Variants in PPP1R21 observed in about 807,000 individuals in gnomAD.
The protein encoded by PPP1R21 is KLRAQ motif containing 1.
A neutral mutation model predicts 112.8 loss-of-function variants in PPP1R21; 85 were observed. The ratio of observed to expected loss-of-function variants is 0.75; its 90% CI spans 0.63 to 0.90. The LOEUF (loss-of-function observed/expected upper bound fraction) is 0.90. PPP1R21 is among the 40% of genes least tolerant of loss of function. The pLI is 0.00. For missense variants in PPP1R21, 1,199 were observed against 901.5 expected (o/e 1.33, Z -4.23); for synonymous variants, 381 against 322.3 (o/e 1.18, Z -1.95).
intron 21 of PPP1R21, among the ~76,000 whole-genome samples, chr2:48,513,880 G>C (rs1458131400): frequency 6.6e-6 from 1 of 152,004 alleles, no homozygotes; most frequent in Non-Finnish European, 1.5e-5. Context: ...TACAAAACTA[G>C]AAAATCCAAA....
chr2:48,466,488 A>G (rs925443196), intron 9 of PPP1R21, among the ~76,000 whole-genome samples: 2 of 152,002 alleles, frequency 1.3e-5, no homozygotes, highest in East Asian at 1.9e-4. Flanking sequence ...CAGCCTCCCA[A>G]AGTGCTGGGA....
rs748252043 is a variant in PPP1R21, at chr2:48,486,627, A to T, written c.1319-4A>T. On this transcript the variant is annotated splice_polypyrimidine_tract_variant and splice_region_variant and intron_variant, in intron 13 of 21. Coordinates refer to ENST00000294952, the MANE Select transcript of PPP1R21 (RefSeq NM_001135629.3). ...AATGAATTTTCATGTAATTGCTTTT[A>T]TAGATATTTCCAAACATTATAGTCA... 1.9e-6 allele frequency: 3 copies of T among 1,604,476 alleles called. No homozygotes were observed. The highest frequency in any genetic ancestry group is 2.7e-5 in the African/African-American group (2 of 74,668).
intron 1 of PPP1R21, 91 bp downstream of exon 1, chr2:48,441,101 G>A: frequency 1.1e-6 from 1 of 884,422 alleles, no homozygotes; most frequent in Non-Finnish European, 1.8e-6. Context: ...GGGTACTGCG[G>A]GAGGGGCACG....
chr2:48,511,579 G>A, intron 21 of PPP1R21, 111 bp downstream of exon 21: 4 of 1,339,458 alleles, frequency 3.0e-6, no homozygotes, highest in Non-Finnish European at 4.1e-6. Context: ...GTGTTTGTAA[G>A]GGCCAGGGGC....
rs1295935712 is a variant in PPP1R21 at position 48,459,861 on chromosome 2, C to T, written c.483C>T (p.Leu161=). Residue 161 remains leucine (L), a synonymous_variant, in exon 5 of 22, where the codon CTC becomes CTT. Coordinates refer to ENST00000294952, the MANE Select transcript of PPP1R21 (RefSeq NM_001135629.3). ...AGCACCAAGCTGTGGTTGACGGTCT[C>T]ACCCGGAAGTACATGGAAACCATTG... ...AAQHQAVVDG[L]TRKYMETIEK... is the part of the protein sequence containing the mutation. 9 of 1,614,210 alleles carry T rather than the reference C, an allele frequency of 5.6e-6. No homozygotes were observed. The highest frequency in any genetic ancestry group is 1.7e-5 in the Admixed American group (1 of 60,018).
chr2:48,441,457 A>T (rs1000145825), intron 1 of PPP1R21: 1 of 228,994 alleles, frequency 4.4e-6, no homozygotes, highest in Non-Finnish European at 9.4e-6. Flanking sequence ...CTTCCCCCGA[A>T]TCAATTCGAG....
chr2:48,477,838 C>T (rs183354699), intron 12 of PPP1R21, among the ~76,000 whole-genome samples: 76 of 151,976 alleles, frequency 5.0e-4, no homozygotes, highest in Non-Finnish European at 9.7e-4. Context: ...GAATTGTGTC[C>T]CCCAAAATAA....
chr2:48,480,105 G>A (rs772131210), intron 13 of PPP1R21, 89 bp downstream of exon 13: 13 of 879,854 alleles, frequency 1.5e-5, no homozygotes, highest in Non-Finnish European at 2.5e-5. Context: ...ACTGCCAAGG[G>A]TAATAGACCC....
At chr2:48,461,433 T>C (rs1191268716) in intron 7 of PPP1R21, among the ~76,000 whole-genome samples, 1 of 152,220 alleles carries the variant, frequency 6.6e-6, no homozygotes, top group African/African-American at 2.4e-5. Context: ...ACTCCAAAGC[T>C]GGTCTTCTTG....
At chr2:48,503,892 G>A (rs1272941889) in intron 17 of PPP1R21, among the ~76,000 whole-genome samples, 1 of 150,378 alleles carries the variant, frequency 6.6e-6, no homozygotes, top group Non-Finnish European at 1.5e-5. Flanking sequence ...GGCGGAGGTT[G>A]CAGTGAGTCA....
At chr2:48,474,859 TAAGAGTACAA>T in intron 12 of PPP1R21, 40 bp downstream of exon 12, 1 of 1,578,542 alleles carries the variant, frequency 6.3e-7, no homozygotes, top group Non-Finnish European at 8.6e-7. Flanking sequence ...TTCAAGGACT[TAAGAGTACAA>T]GAAGCTGGAA....
intron 7 of PPP1R21, among the ~76,000 whole-genome samples, chr2:48,463,449 G>C (rs1668066800): frequency 2.0e-5 from 3 of 152,160 alleles, no homozygotes; most frequent in Admixed American, 1.3e-4. Context: ...TTCTGTGCAG[G>C]GTGTAGGTGG....
chr2:48,468,541 A>G (rs1228290805), intron 9 of PPP1R21, among the ~76,000 whole-genome samples: 1 of 152,176 alleles, frequency 6.6e-6, no homozygotes, highest in Non-Finnish European at 1.5e-5. Context: ...GACCAGACAC[A>G]GTAGCTCACA....
chr2:48,477,227 T>C (rs1308668119), intron 12 of PPP1R21, among the ~76,000 whole-genome samples: 1 of 150,444 alleles, frequency 6.6e-6, no homozygotes, highest in Non-Finnish European at 1.5e-5. Context: ...TTAAGTGATC[T>C]CCTGCTTCAG....
chr2:48,482,294 C>T (rs1269804185), intron 13 of PPP1R21, among the ~76,000 whole-genome samples: 2 of 152,168 alleles, frequency 1.3e-5, no homozygotes, highest in East Asian at 3.8e-4. Context: ...AAGAAGGAGG[C>T]AGACAAATCC....
intron 12 of PPP1R21, among the ~76,000 whole-genome samples, chr2:48,476,244 A>G (rs1395091471): frequency 1.3e-5 from 2 of 152,202 alleles, no homozygotes; most frequent in East Asian, 3.8e-4. Flanking sequence ...ACTTAGCATC[A>G]TGCTTTTTAA....
intron 1 of PPP1R21, among the ~76,000 whole-genome samples, chr2:48,444,902 C>A (rs1459734438): frequency 6.6e-6 from 1 of 150,696 alleles, no homozygotes; most frequent in East Asian, 1.9e-4. Flanking sequence ...AGCAGGAAAG[C>A]CAAACATCCA....
chr2:48,479,860 GA>G, intron 12 of PPP1R21, 63 bp from the exon 13 acceptor site: 1 of 961,510 alleles, frequency 1.0e-6, no homozygotes, highest in Non-Finnish European at 1.7e-6. Context: ...CCCAAAAGTA[GA>G]GGGATACAAT....
At chr2:48,480,954 A>T (rs940535066) in intron 13 of PPP1R21, among the ~76,000 whole-genome samples, 1 of 152,184 alleles carries the variant, frequency 6.6e-6, no homozygotes, top group Non-Finnish European at 1.5e-5. Flanking sequence ...AGTCTACGGT[A>T]TGGGCCTTTC....
Sources: allele counts gnomAD v4.1 joint callset (sites outside exome capture counted in the v4.1 genomes callset), GRCh38; gene constraint gnomAD v4.1.1; transcripts MANE v1.5; gene names NCBI Gene and HGNC (gene_info 2026-07-23, HGNC 2026-07-21).